Variants in MTUS2 observed in about 807,000 individuals in gnomAD.
MTUS2 encodes microtubule associated scaffold protein 2, also known as microtubule-associated tumor suppressor candidate 2.
In MTUS2, 40 loss-of-function variants were observed where a neutral mutation model predicts 114.1. That is an observed-to-expected ratio of 0.35 (90% CI 0.27 to 0.46). MTUS2 has a LOEUF of 0.46. Ranked by LOEUF, MTUS2 falls within the 20% of genes least tolerant of loss-of-function variation. The probability of loss-of-function intolerance (pLI) is 1.00; values close to 1 mark genes in which losing one functional copy is unlikely to be tolerated. For synonymous variants in MTUS2, 688 were observed against 672.0 expected (o/e 1.02, Z -0.37); for missense variants, 1,679 against 1,705.4 (o/e 0.98, Z 0.27).
intron 1 of MTUS2, among the ~76,000 whole-genome samples, chr13:28,827,199 C>T (rs1300320637): frequency 6.6e-6 from 1 of 152,106 alleles, no homozygotes; most frequent in Non-Finnish European, 1.5e-5. Flanking sequence ...GTTTCTAAGC[C>T]TGATGCATTT....
chr13:28,825,549 C>G (rs181925382), intron 1 of MTUS2, among the ~76,000 whole-genome samples: 128 of 152,242 alleles, frequency 8.4e-4, no homozygotes, highest in Non-Finnish European at 1.5e-3. Context: ...GCCCAGATGG[C>G]TGCTCAACAT....
intron 2 of MTUS2, among the ~76,000 whole-genome samples, chr13:28,886,042 C>T (rs925145200): frequency 6.6e-6 from 1 of 151,984 alleles, no homozygotes; most frequent in Admixed American, 6.6e-5. Flanking sequence ...AGTCTCCAAG[C>T]CCCAGATTGG....
chr13:29,092,318 G>A (rs1889991830), intron 4 of MTUS2, among the ~76,000 whole-genome samples: 1 of 152,076 alleles, frequency 6.6e-6, no homozygotes, highest in Admixed American at 6.5e-5. Context: ...TTTACATGGT[G>A]CCTTTGTTTT....
chr13:29,172,797 TG>T (rs1428236127), intron 5 of MTUS2, among the ~76,000 whole-genome samples: 1 of 152,180 alleles, frequency 6.6e-6, no homozygotes, highest in Non-Finnish European at 1.5e-5. Context: ...CATGTGAAGG[TG>T]TGATCATGCA....
chr13:29,013,623 AG>A (rs1423799848), intron 2 of MTUS2, among the ~76,000 whole-genome samples: 1 of 152,250 alleles, frequency 6.6e-6, no homozygotes, highest in Non-Finnish European at 1.5e-5. Flanking sequence ...GGCAATAACA[AG>A]GAACTAAAAA....
chr13:28,922,350 C>T (rs759269625), intron 2 of MTUS2, among the ~76,000 whole-genome samples: 8 of 152,136 alleles, frequency 5.3e-5, no homozygotes, highest in Non-Finnish European at 1.2e-4. Flanking sequence ...ATTGTGTGGC[C>T]CTGCCGAGGC....
At chr13:29,315,919 G>A (rs1166358286) in intron 6 of MTUS2, among the ~76,000 whole-genome samples, 1 of 152,162 alleles carries the variant, frequency 6.6e-6, no homozygotes, top group East Asian at 1.9e-4. Context: ...TTTCAGAGGC[G>A]AAGTTTAAGG....
intron 6 of MTUS2, among the ~76,000 whole-genome samples, chr13:29,304,852 A>G (rs902568299): frequency 2.0e-5 from 3 of 152,186 alleles, no homozygotes; most frequent in Non-Finnish European, 4.4e-5. Flanking sequence ...TCATCACCAC[A>G]TGGCACTTAC....
intron 5 of MTUS2, among the ~76,000 whole-genome samples, chr13:29,278,304 A>G (rs745775601): frequency 6.6e-6 from 1 of 152,218 alleles, no homozygotes; most frequent in African/African-American, 2.4e-5. Context: ...AAAATGAGAA[A>G]GTTCTCAATA....
At chr13:29,292,645 A>C (rs1168736861) in intron 6 of MTUS2, among the ~76,000 whole-genome samples, 1 of 152,164 alleles carries the variant, frequency 6.6e-6, no homozygotes, top group Non-Finnish European at 1.5e-5. Flanking sequence ...GTTTAAATTA[A>C]ATATAGTAAG....
chr13:28,918,293 T>C (rs567172702), intron 2 of MTUS2, among the ~76,000 whole-genome samples: 18 of 152,028 alleles, frequency 1.2e-4, no homozygotes, highest in Non-Finnish European at 2.7e-4. Flanking sequence ...CCAACTATTA[T>C]TGTATTGAGG....
chr13:29,113,387 A>C (rs1223927393), intron 5 of MTUS2, among the ~76,000 whole-genome samples: 2 of 152,208 alleles, frequency 1.3e-5, no homozygotes. Flanking sequence ...ATTCGCTACT[A>C]TAGTCAAATT....
intron 5 of MTUS2, among the ~76,000 whole-genome samples, chr13:29,256,919 C>G (rs147158523): frequency 6.6e-6 from 1 of 152,344 alleles, no homozygotes; most frequent in Non-Finnish European, 1.5e-5. Context: ...GAATCAGCTC[C>G]TCTCACCTGC....
chr13:29,174,143 A>G (rs1893674085), intron 5 of MTUS2, among the ~76,000 whole-genome samples: 2 of 152,148 alleles, frequency 1.3e-5, no homozygotes, highest in Admixed American at 6.6e-5. Context: ...TCTTTATTGG[A>G]AAGTGTGCTT....
chr13:29,121,712 A>G (rs985099841), intron 5 of MTUS2, among the ~76,000 whole-genome samples: 1 of 151,226 alleles, frequency 6.6e-6, no homozygotes, highest in African/African-American at 2.4e-5. Flanking sequence ...GCTGGAGCGC[A>G]ATGGCATGAT....
chr13:29,365,871 A>G (rs1870667147), intron 8 of MTUS2, among the ~76,000 whole-genome samples: 1 of 152,198 alleles, frequency 6.6e-6, no homozygotes, highest in South Asian at 2.1e-4. Context: ...ACTCCCCTCC[A>G]ACTAAACACA....
At chr13:29,248,615 C>T (rs1006634551) in intron 5 of MTUS2, among the ~76,000 whole-genome samples, 1 of 152,056 alleles carries the variant, frequency 6.6e-6, no homozygotes, top group Admixed American at 6.6e-5. Flanking sequence ...GCTATTTGCC[C>T]TGATACTCTC....
chr13:29,079,934 C>T (rs1249199892), intron 4 of MTUS2, among the ~76,000 whole-genome samples: 5 of 152,102 alleles, frequency 3.3e-5, no homozygotes, highest in Admixed American at 1.3e-4. Context: ...TGCAGATAAG[C>T]CATGTGGCAT....
intron 2 of MTUS2, among the ~76,000 whole-genome samples, chr13:28,956,517 A>G (rs1011550760): frequency 6.6e-6 from 1 of 152,168 alleles, no homozygotes; most frequent in East Asian, 1.9e-4. Flanking sequence ...TTCAAAAAGG[A>G]TAGAATCCTG....
Sources: gnomAD v4.1 joint callset for allele counts (sites outside exome capture counted in the v4.1 genomes callset) on GRCh38, gnomAD v4.1.1 for gene constraint, MANE v1.5 for transcripts, NCBI Gene and HGNC (gene_info 2026-07-23, HGNC 2026-07-21) for gene names.